The following URB1 variants were observed in gnomAD, a reference collection of about 807,000 sequenced individuals.
The protein encoded by URB1 is nucleolar pre-ribosomal-associated protein 1.
A neutral mutation model predicts 242.3 loss-of-function variants in URB1; 197 were observed. The ratio of observed to expected loss-of-function variants is 0.81; its 90% CI spans 0.72 to 0.91. The LOEUF (loss-of-function observed/expected upper bound fraction) is 0.91. URB1 is among the 40% of genes least tolerant of loss of function. The probability of loss-of-function intolerance (pLI) is 0.00; values close to 1 mark genes in which losing one functional copy is unlikely to be tolerated. For missense variants in URB1, 2,721 were observed against 2,860.5 expected (o/e 0.95, Z 1.11); for synonymous variants, 1,153 against 1,201.8 (o/e 0.96, Z 0.84).
rs2032700647 is a variant in URB1, at chr21:32,317,082, G to A, written c.6035-17C>T. On this transcript the variant is annotated splice_polypyrimidine_tract_variant and intron_variant, in intron 37 of 38. Coordinates refer to ENST00000382751, the MANE Select transcript of URB1 (RefSeq NM_014825.3). Reference sequence around the variant, plus strand: ...TGAGCATTTCTGTTAAATGCACAAAGAGAAGGTAATGAGACTGGGGTCCCT... The same window carrying A: ...TGAGCATTTCTGTTAAATGCACAAAAAGAAGGTAATGAGACTGGGGTCCCT... 2 of 1,511,550 alleles carry A rather than the reference G, an allele frequency of 1.3e-6. No homozygotes were observed. The highest frequency in any genetic ancestry group is 1.8e-6 in the Non-Finnish European group (2 of 1,129,862). The allele number at this position is 1,511,550 out of a possible 1,614,324, so 93.6% of individuals were successfully genotyped here. A position where few individuals can be genotyped will look rare whatever the true frequency, so the allele number is the denominator to read the frequency against.
In URB1 at chr21:32,344,632, G is replaced by C. The variant is rs543250571; in HGVS notation, c.4195C>G (p.Gln1399Glu). 31 of 1,552,300 alleles carry C rather than the reference G, an allele frequency of 2.0e-5. No individual in the cohort carries two copies. The African/African-American group carries it at 3.8e-4, about 19-fold the overall frequency. Residue 1399 changes from glutamine (Q) to glutamate (E), a missense_variant, in exon 24 of 39, where the codon CAA becomes GAA. Gln to Glu is a conservative substitution (Grantham distance 29). Coordinates refer to ENST00000382751, the MANE Select transcript of URB1 (RefSeq NM_014825.3). Reference sequence around the variant, plus strand: ...TGATTCTGAGTATTATCATCATCTTGCTGTCCACCACTGAAAGACACGATC... The same window carrying C: ...TGATTCTGAGTATTATCATCATCTTCCTGTCCACCACTGAAAGACACGATC... ...WLIVSFSGGQ[Q>E]DDDNTQNQEK...
chr21:32,345,080 A>T (rs764815167), intron 23 of URB1, among the ~76,000 whole-genome samples: 1 of 152,052 alleles, frequency 6.6e-6, no homozygotes, highest in Admixed American at 6.6e-5. Flanking sequence ...CAGAAGCAAC[A>T]CCCTCTCATC....
chr21:32,334,229 C>T lies in URB1; in HGVS notation c.4791G>A (p.Leu1597=). The change falls in exon 29 of 39, where the codon CTG becomes CTA. Residue 1597 remains leucine, a synonymous_variant. Coordinates refer to ENST00000382751, the MANE Select transcript of URB1 (RefSeq NM_014825.3). ...TGGTCTGCATCATCCGGTCCCGGTC[C>T]AGCAGGCGAAGGATGTCCCCGACAC... is the stretch of plus-strand genomic sequence containing the variant. ...QPSVGDILRL[L]DRDRMMQTIL... is the part of the protein sequence containing the mutation. 2 of 1,551,538 alleles carry T rather than the reference C, an allele frequency of 1.3e-6. No homozygotes were observed. The highest frequency in any genetic ancestry group is 1.7e-6 in the Non-Finnish European group (2 of 1,146,960).
rs1416701668 is a variant in URB1 at position 32,371,974 on chromosome 21, A to C, written c.1001+533T>G. Reference sequence around the variant, plus strand: ...GTGAAACAAAATGTTAAAAAAAAAAACAATTTTGAAACCGTGACTCATGGG... The same window carrying C: ...GTGAAACAAAATGTTAAAAAAAAAACCAATTTTGAAACCGTGACTCATGGG... On this transcript the variant is annotated intron_variant, in intron 8 of 38. Coordinates refer to ENST00000382751, the MANE Select transcript of URB1 (RefSeq NM_014825.3). Among the ~76,000 whole-genome samples, 4 of 152,196 alleles carry C rather than the reference A, an allele frequency of 2.6e-5. No homozygotes were observed. In the South Asian group the frequency reaches 8.3e-4, roughly 31 times the overall value.
At chr21:32,378,034 G>C (rs76758511) in intron 5 of URB1, among the ~76,000 whole-genome samples, 1 of 152,150 alleles carries the variant, frequency 6.6e-6, no homozygotes, top group Non-Finnish European at 1.5e-5. Context: ...TGATGTTCTC[G>C]TAACACAGGT....
At chr21:32,344,466 G>A in intron 24 of URB1, 104 bp downstream of exon 24, 2 of 1,293,126 alleles carry the variant, frequency 1.5e-6, no homozygotes. Flanking sequence ...TTCCTACAGG[G>A]CCATATTCAT....
chr21:32,355,033 T>G, intron 16 of URB1, 36 bp from the exon 17 acceptor site: 1 of 1,519,992 alleles, frequency 6.6e-7, no homozygotes, highest in Non-Finnish European at 8.9e-7. Context: ...AGCATTCAGA[T>G]GGTCACAGGT....
Position 32,313,900 on chromosome 21 carries a change from C to A in URB1, c.*1018G>T. The A allele has an allele frequency of 6.6e-6, 1 of 152,532 alleles. No homozygotes were observed. Among genetic ancestry groups the A allele is most frequent in the Non-Finnish European group, 1.5e-5 (1 of 68,306 alleles). The allele number at this position is 152,532 out of a possible 1,614,324, so 9.4% of individuals were successfully genotyped here. A position where few individuals can be genotyped will look rare whatever the true frequency, so the allele number is the denominator to read the frequency against. On this transcript the variant is annotated 3_prime_UTR_variant, in exon 39 of 39. Coordinates refer to ENST00000382751, the MANE Select transcript of URB1 (RefSeq NM_014825.3). ...TCTGACCTTTAAAATAAATGCAGGCCTATGTGGAGCAAAAATAGCCTCTTG... is the reference window on the plus strand; with the variant it reads ...TCTGACCTTTAAAATAAATGCAGGCATATGTGGAGCAAAAATAGCCTCTTG...
Position 32,314,728 on chromosome 21 carries a change from C to T in URB1, c.*190G>A. ...ACTCTGATGCTGGGCACCTACAGGCCCGAGTTTATCATTTACTGGGCAGTT... is the reference window on the plus strand; with the variant it reads ...ACTCTGATGCTGGGCACCTACAGGCTCGAGTTTATCATTTACTGGGCAGTT... On this transcript the variant is annotated 3_prime_UTR_variant, in exon 39 of 39. Coordinates refer to ENST00000382751, the MANE Select transcript of URB1 (RefSeq NM_014825.3). The T allele has an allele frequency of 6.6e-7, 1 of 1,510,408 alleles. No homozygotes were observed. The highest frequency in any genetic ancestry group is 9.2e-7 in the Non-Finnish European group (1 of 1,090,838). 93.6% of individuals were successfully genotyped at this position (1,510,408 alleles called of 1,614,324 possible). A position where few individuals can be genotyped will look rare whatever the true frequency, so the allele number is the denominator to read the frequency against.
At chr21:32,379,362 T>C (rs1445949438) in intron 4 of URB1, among the ~76,000 whole-genome samples, 1 of 152,278 alleles carries the variant, frequency 6.6e-6, no homozygotes, top group African/African-American at 2.4e-5. Context: ...CACCCAGCAC[T>C]ATTCTCTACT....
intron 21 of URB1, 88 bp from the exon 22 acceptor site, chr21:32,347,899 T>C: frequency 2.1e-6 from 3 of 1,443,224 alleles, no homozygotes; most frequent in East Asian, 5.0e-5. Context: ...TCACTGTTGT[T>C]AGCGAGACAG....
Position 32,368,393 on chromosome 21 carries a change from G to GT in URB1, c.1197+9dup, listed in dbSNP as rs11323440. ...TAGCTAACAGACTTTTAAATATCAT[G>GT]TTTTTTTACCTTGTTTAGTAGTTTG... is the stretch of plus-strand genomic sequence containing the variant. On this transcript the variant is annotated intron_variant, in intron 9 of 38. Transcript: ENST00000382751. The GT allele has an allele frequency of 2.5e-4, 387 of 1,527,946 alleles. No homozygotes were observed. The East Asian group carries it at 2.8e-3, about 11-fold the overall frequency. The allele number at this position is 1,527,946 out of a possible 1,614,324, so 94.6% of individuals were successfully genotyped here.
rs1568809883 is a variant in URB1, at chr21:32,325,396, G to A, written c.4961-7C>T. ...CGACAATCCACCACAAACTCTGCAG[G>A]AAATGAAATACAGCATGAAACACAC... is the stretch of plus-strand genomic sequence containing the variant. On this transcript the variant is annotated splice_polypyrimidine_tract_variant and splice_region_variant and intron_variant, in intron 30 of 38. Coordinates refer to ENST00000382751, the MANE Select transcript of URB1 (RefSeq NM_014825.3). 2 of 1,546,516 alleles carry A rather than the reference G, an allele frequency of 1.3e-6. No individual in the cohort carries two copies. Among genetic ancestry groups the A allele is most frequent in the Non-Finnish European group, 8.8e-7 (1 of 1,142,776 alleles).
intron 34 of URB1, 134 bp downstream of exon 34, chr21:32,321,667 C>G (rs2032767568): frequency 7.5e-7 from 1 of 1,339,632 alleles, no homozygotes; most frequent in Non-Finnish European, 1.0e-6. Context: ...TCTCACTTCC[C>G]CTAACTGAGA....
In URB1 at chr21:32,347,512, C is replaced by T; in HGVS notation, c.3312G>A (p.Gln1104=). Residue 1104 remains glutamine, a synonymous_variant, in exon 22 of 39, where the codon CAG becomes CAA. Coordinates refer to ENST00000382751, the MANE Select transcript of URB1 (RefSeq NM_014825.3). The stretch of plus-strand genomic sequence containing the variant: ...GATGCAGCTCCTGCAGGGCCTCCAG[C>T]TGCGGCGGGGTCTTTGGTGGTGATG... The part of the protein sequence containing the change: ...PATSPPKTPP[Q]LEALQELHPY... 1 of 1,551,348 alleles carries T rather than the reference C, an allele frequency of 6.4e-7. No homozygotes were observed. The highest frequency in any genetic ancestry group is 8.7e-7 in the Non-Finnish European group (1 of 1,146,824).
chr21:32,375,894 T>C (rs906751197), intron 5 of URB1, among the ~76,000 whole-genome samples: 1 of 152,028 alleles, frequency 6.6e-6, no homozygotes, highest in African/African-American at 2.4e-5. Flanking sequence ...GAGTTTGAGG[T>C]TGCAGTAAGC....
At chr21:32,337,703 TTC>T (rs893310772) in intron 26 of URB1, among the ~76,000 whole-genome samples, 189 bp from the exon 27 acceptor site, 2 of 151,742 alleles carry the variant, frequency 1.3e-5, no homozygotes, top group Non-Finnish European at 2.9e-5. Flanking sequence ...TTTTCTTTTT[TTC>T]TTTTTTTTTT....
chr21:32,347,460 C>T lies in URB1; in HGVS notation c.3364G>A (p.Glu1122Lys). 1 of 1,550,802 alleles carries T rather than the reference C, an allele frequency of 6.4e-7. No homozygotes were observed. The highest frequency in any genetic ancestry group is 2.4e-5 in the East Asian group (1 of 40,884). ...AGGCTCAGCAAGGCCAGGGTGACCT[C>T]ACGGAGCTGGGCACCCTCCATGTAT... ...HPYMEGAQLR[E>K]VTLALLSLPE... is the part of the protein sequence containing the mutation. Residue 1122 changes from glutamate to lysine, a missense_variant, in exon 22 of 39, where the codon GAG (glutamate) becomes AAG (lysine). Coordinates refer to ENST00000382751, the MANE Select transcript of URB1 (RefSeq NM_014825.3).
chr21:32,364,797 A>AC, intron 10 of URB1, among the ~76,000 whole-genome samples: 1 of 151,978 alleles, frequency 6.6e-6, no homozygotes, highest in Non-Finnish European at 1.5e-5. Context: ...AATAAAACAA[A>AC]AAAAAACAAA....
Sources: allele counts gnomAD v4.1 joint callset (sites outside exome capture counted in the v4.1 genomes callset), GRCh38; gene constraint gnomAD v4.1.1; transcripts MANE v1.5; gene names NCBI Gene and HGNC (gene_info 2026-07-23, HGNC 2026-07-21).